The following CDC123 variants were observed in gnomAD, a reference collection of about 807,000 sequenced individuals.
CDC123 encodes the protein translation initiation factor eIF2 assembly protein.
A neutral mutation model predicts 54.4 loss-of-function variants in CDC123; 37 were observed. That is an observed-to-expected ratio of 0.68 (90% CI 0.52 to 0.89). CDC123 has a LOEUF of 0.89. CDC123 is among the 40% of genes least tolerant of loss of function. The pLI is 0.00. For synonymous variants in CDC123, 144 were observed against 136.8 expected (o/e 1.05, Z -0.37); for missense variants, 361 against 412.1 (o/e 0.88, Z 1.07).
At chr10:12,228,347 TAA>T (rs1022684214) in intron 6 of CDC123, among the ~76,000 whole-genome samples, 1 of 152,134 alleles carries the variant, frequency 6.6e-6, no homozygotes, top group Non-Finnish European at 1.5e-5. Context: ...AATGTACTGT[TAA>T]GTTAGTTTGA....
At chr10:12,226,194 T>G (rs990693391) in intron 6 of CDC123, among the ~76,000 whole-genome samples, 3 of 152,206 alleles carry the variant, frequency 2.0e-5, no homozygotes, top group East Asian at 1.9e-4. Context: ...CTGATTTCTC[T>G]TTCCTTTCCC....
At chr10:12,209,927 A>G (rs1835574730) in intron 2 of CDC123, 40 bp from the exon 3 acceptor site, 2 of 1,602,862 alleles carry the variant, frequency 1.2e-6, no homozygotes, top group African/African-American at 2.7e-5. Flanking sequence ...TGCGGTGCCC[A>G]AGTCCTTTTC....
intron 7 of CDC123, among the ~76,000 whole-genome samples, chr10:12,231,858 T>G (rs1835906333): frequency 6.6e-6 from 1 of 152,004 alleles, no homozygotes; most frequent in Non-Finnish European, 1.5e-5. Flanking sequence ...TCTTTTTTTC[T>G]TTTTTGAGAT....
At chr10:12,241,912 C>T (rs1041089090) in intron 10 of CDC123, among the ~76,000 whole-genome samples, 1 of 152,132 alleles carries the variant, frequency 6.6e-6, no homozygotes, top group Admixed American at 6.6e-5. Flanking sequence ...GCTAGGAGAC[C>T]CTCCCACGGG....
chr10:12,240,597 A>G (rs903099790), intron 10 of CDC123, among the ~76,000 whole-genome samples: 7 of 152,288 alleles, frequency 4.6e-5, no homozygotes, highest in African/African-American at 1.4e-4. Flanking sequence ...GCTTTAGGCC[A>G]TTGTTGTGGC....
chr10:12,223,416 G>C (rs1835763012), intron 6 of CDC123, among the ~76,000 whole-genome samples: 1 of 152,112 alleles, frequency 6.6e-6, no homozygotes, highest in Non-Finnish European at 1.5e-5. Context: ...CTCCCAAGTA[G>C]CTGGGACTGT....
At chr10:12,241,010 G>C (rs1361178153) in intron 10 of CDC123, among the ~76,000 whole-genome samples, 1 of 152,140 alleles carries the variant, frequency 6.6e-6, no homozygotes, top group African/African-American at 2.4e-5. Context: ...CCTCGGTAGA[G>C]GTTACACCTG....
chr10:12,220,633 G>A (rs1835723642), intron 6 of CDC123, among the ~76,000 whole-genome samples: 1 of 152,212 alleles, frequency 6.6e-6, no homozygotes, highest in South Asian at 2.1e-4. Flanking sequence ...ATTCCTTATT[G>A]ATAGAACTCA....
Position 12,198,904 on chromosome 10 carries a change from C to A in CDC123, c.146+128C>A, listed in dbSNP as rs1310077650. ...CTCCTAGCCAAAATGATGTGCTGAT[C>A]TTTGTCTCATATTCCTTCTCAATGT... On this transcript the variant is annotated intron_variant, in intron 2 of 12. Coordinates refer to ENST00000281141, the MANE Select transcript of CDC123 (RefSeq NM_006023.3). 9.7e-6 allele frequency: 6 copies of A among 619,236 alleles called. No individual in the cohort carries two copies. In the East Asian group the frequency reaches 1.4e-4, roughly 15 times the overall value. The allele number at this position is 619,236 out of a possible 1,614,324, so 38.4% of individuals were successfully genotyped here.
intron 1 of CDC123, among the ~76,000 whole-genome samples, chr10:12,196,928 TCA>T (rs1835361307): frequency 6.6e-6 from 1 of 152,232 alleles, no homozygotes; most frequent in African/African-American, 2.4e-5. Flanking sequence ...ATTTCATCTC[TCA>T]GTTTTTTTAA....
chr10:12,240,266 G>C lies in CDC123; in HGVS notation c.717+1781G>C, dbSNP rs574707042. Among the ~76,000 whole-genome samples the C allele has an allele frequency of 4.6e-5, 7 of 152,262 alleles. 1 individual carries two copies. Among genetic ancestry groups the C allele is most frequent in the African/African-American group, 1.4e-4 (6 of 41,556 alleles). On this transcript the variant is annotated intron_variant, in intron 10 of 12. Coordinates refer to ENST00000281141, the MANE Select transcript of CDC123 (RefSeq NM_006023.3). Reference sequence around the variant, plus strand: ...TATTAAGAAGTTTAGGTCACTAAATGCTGTTTGGTGCTGAGTGCTCTTTGA... The same window carrying C: ...TATTAAGAAGTTTAGGTCACTAAATCCTGTTTGGTGCTGAGTGCTCTTTGA...
intron 6 of CDC123, among the ~76,000 whole-genome samples, chr10:12,221,183 G>A (rs1220599142): frequency 6.6e-6 from 1 of 151,822 alleles, no homozygotes; most frequent in Non-Finnish European, 1.5e-5. Context: ...AACAGAAGCC[G>A]AAAATAGCTT....
chr10:12,196,540 G>A (rs890261015), intron 1 of CDC123, among the ~76,000 whole-genome samples: 3 of 152,182 alleles, frequency 2.0e-5, no homozygotes, highest in Admixed American at 1.3e-4. Flanking sequence ...TCGGAGGCGG[G>A]AGGAATAGTG....
intron 1 of CDC123, 55 bp downstream of exon 1, chr10:12,196,374 G>C: frequency 6.2e-7 from 1 of 1,611,754 alleles, no homozygotes; most frequent in Non-Finnish European, 8.5e-7. Flanking sequence ...TGCGACTTCT[G>C]AGCGAATCTT....
intron 2 of CDC123, among the ~76,000 whole-genome samples, chr10:12,200,120 ATTTT>A (rs543337462): frequency 1.0e-3 from 61 of 59,370 alleles, no homozygotes; most frequent in African/African-American, 2.9e-3. Context: ...CGCACTCGGC[ATTTT>A]TTTTTTTTTT....
At chr10:12,199,745 T>G (rs1451303223) in intron 2 of CDC123, among the ~76,000 whole-genome samples, 1 of 152,330 alleles carries the variant, frequency 6.6e-6, no homozygotes, top group East Asian at 1.9e-4. Context: ...TCATTAACTT[T>G]GAATAATTTG....
chr10:12,221,608 C>T (rs1007996136), intron 6 of CDC123, among the ~76,000 whole-genome samples: 6 of 152,154 alleles, frequency 3.9e-5, no homozygotes, highest in African/African-American at 1.4e-4. Context: ...GCTGCAGCAG[C>T]CCGTGGGCCA....
intron 2 of CDC123, among the ~76,000 whole-genome samples, chr10:12,203,272 T>G (rs1466816706): frequency 6.6e-6 from 1 of 152,230 alleles, no homozygotes; most frequent in African/African-American, 2.4e-5. Context: ...TACATGCCTT[T>G]CTTTCCAGAC....
intron 10 of CDC123, among the ~76,000 whole-genome samples, chr10:12,238,906 C>A (rs919410677): frequency 4.0e-5 from 6 of 151,846 alleles, no homozygotes; most frequent in African/African-American, 1.5e-4. Flanking sequence ...CCTGAAATCC[C>A]AGCTACTCAG....
Sources: gnomAD v4.1 joint callset for allele counts (sites outside exome capture counted in the v4.1 genomes callset) on GRCh38, gnomAD v4.1.1 for gene constraint, MANE v1.5 for transcripts, NCBI Gene and HGNC (gene_info 2026-07-23, HGNC 2026-07-21) for gene names.